ARFGEF2: variants seen among roughly 807,000 people sequenced by gnomAD.
The protein encoded by ARFGEF2 is brefeldin A-inhibited guanine nucleotide-exchange protein 2.
A neutral mutation model predicts 219.9 loss-of-function variants in ARFGEF2; 74 were observed. That is an observed-to-expected ratio of 0.34 (90% CI 0.28 to 0.41). The LOEUF is 0.41. ARFGEF2 is among the 10% of genes least tolerant of loss of function. The pLI is 1.00. For missense variants in ARFGEF2, 1,743 were observed against 2,218.3 expected (o/e 0.79, Z 4.30); for synonymous variants, 733 against 799.2 (o/e 0.92, Z 1.40).
intron 22 of ARFGEF2, 29 bp from the exon 23 acceptor site, chr20:48,995,754 T>C: frequency 6.3e-7 from 1 of 1,588,172 alleles, no homozygotes; most frequent in Non-Finnish European, 8.6e-7. Context: ...GTTTTTGAAG[T>C]ACTGCTGATT....
intron 23 of ARFGEF2, 122 bp downstream of exon 23, chr20:48,996,004 G>T: frequency 1.1e-6 from 1 of 877,180 alleles, no homozygotes; most frequent in Non-Finnish European, 1.9e-6. Flanking sequence ...GCTACAAATT[G>T]CTTAAGTGTC....
chr20:48,937,295 G>T (rs960576544), intron 1 of ARFGEF2, among the ~76,000 whole-genome samples: 1 of 152,204 alleles, frequency 6.6e-6, no homozygotes, highest in African/African-American at 2.4e-5. Flanking sequence ...GAGTCAGGCC[G>T]CCCTCTCCCA....
Position 49,015,649 on chromosome 20 carries a change from CAGATATCTCTGT to C in ARFGEF2, c.4180-628_4180-617del, listed in dbSNP as rs1226424019. Among the ~76,000 whole-genome samples, 19 of 152,204 alleles carry C rather than the reference CAGATATCTCTGT, an allele frequency of 1.2e-4. 1 individual carries two copies. Among genetic ancestry groups the C allele is most frequent in the Admixed American group, 1.2e-3 (19 of 15,280 alleles). ...TGATACGTACCACTAAGCTGACCTGCAGATATCTCTGTAGCCATTTACACTTCTGTCAGCAAT... is the reference window on the plus strand; with the variant it reads ...TGATACGTACCACTAAGCTGACCTGCAGCCATTTACACTTCTGTCAGCAAT... On this transcript the variant is annotated intron_variant, in intron 30 of 38. Transcript: ENST00000371917.
At position 48,988,290 on chromosome 20, in the gene ARFGEF2, AT is replaced by A. The variant is rs755553088; in HGVS notation, c.2277-7del. ...ATCACCATGAATATTGATGTCTCGA[AT>A]TTTTTTCTCCAGGCAAACTCTGTTT... On this transcript the variant is annotated splice_polypyrimidine_tract_variant and intron_variant, in intron 16 of 38. Transcript: ENST00000371917. 4 of 1,608,564 alleles carry A rather than the reference AT, an allele frequency of 2.5e-6. No individual in the cohort carries two copies. The highest frequency in any genetic ancestry group is 2.7e-5 in the African/African-American group (2 of 74,730).
intron 23 of ARFGEF2, 102 bp downstream of exon 23, chr20:48,995,984 A>G: frequency 9.3e-7 from 1 of 1,069,564 alleles, no homozygotes; most frequent in Non-Finnish European, 1.5e-6. Flanking sequence ...AACTGATACA[A>G]GTGTTGTTAG....
At chr20:48,991,463 C>G (rs893081581) in intron 21 of ARFGEF2, among the ~76,000 whole-genome samples, 6 of 150,106 alleles carry the variant, frequency 4.0e-5, no homozygotes, top group African/African-American at 1.5e-4. Flanking sequence ...ATATTAGTGC[C>G]ATTTTTTTTT....
chr20:49,019,420 G>A lies in ARFGEF2; in HGVS notation c.4624+422G>A, dbSNP rs376736199. Among the ~76,000 whole-genome samples, 10 of 152,210 alleles carry A rather than the reference G, an allele frequency of 6.6e-5. No homozygotes were observed. The South Asian group carries it at 1.2e-3, about 19-fold the overall frequency. On this transcript the variant is annotated intron_variant, in intron 34 of 38. Transcript: ENST00000371917. ...AAATCAGTACATAAGGAGCTTTCAC[G>A]TTGTTTTATACGATTGTCTATTATT...
chr20:48,932,664 G>A (rs987175262), intron 1 of ARFGEF2, among the ~76,000 whole-genome samples: 2 of 152,176 alleles, frequency 1.3e-5, no homozygotes, highest in Admixed American at 1.3e-4. Context: ...AAGGAAAGCC[G>A]AGAGGTTGGC....
At position 49,012,209 on chromosome 20, in the gene ARFGEF2, G is replaced by T. The variant is rs565406892; in HGVS notation, c.3918+125G>T. 1.6e-5 allele frequency: 21 copies of T among 1,301,056 alleles called. No homozygotes were observed. The African/African-American group carries it at 2.9e-4, about 18-fold the overall frequency. 80.6% of individuals were successfully genotyped at this position (1,301,056 alleles called of 1,614,324 possible). A position where few individuals can be genotyped will look rare whatever the true frequency, so the allele number is the denominator to read the frequency against. On this transcript the variant is annotated intron_variant, in intron 28 of 38. Coordinates refer to ENST00000371917, the MANE Select transcript of ARFGEF2 (RefSeq NM_006420.3). ...GAAATGTGTGTTTGCCCTAAATTAG[G>T]TGTTTATTTCAAAATGCTGCCATGA...
At chr20:48,954,953 T>C (rs1334742091) in intron 6 of ARFGEF2, among the ~76,000 whole-genome samples, 1 of 152,184 alleles carries the variant, frequency 6.6e-6, no homozygotes, top group African/African-American at 2.4e-5. Context: ...TCAATAAATA[T>C]TAATATTTAA....
chr20:49,009,404 C>T (rs2091482352), intron 26 of ARFGEF2, among the ~76,000 whole-genome samples: 3 of 151,480 alleles, frequency 2.0e-5, no homozygotes, highest in African/African-American at 4.9e-5. Flanking sequence ...GAGTCGAGGT[C>T]GCTCTACTGC....
At chr20:49,029,562 T>G (rs2091621621) in intron 37 of ARFGEF2, among the ~76,000 whole-genome samples, 1 of 152,086 alleles carries the variant, frequency 6.6e-6, no homozygotes, top group Admixed American at 6.6e-5. Context: ...TGTCCTAAAT[T>G]ATGATATTAT....
chr20:48,976,848 G>A (rs946649214), intron 14 of ARFGEF2, among the ~76,000 whole-genome samples: 3 of 152,026 alleles, frequency 2.0e-5, no homozygotes, highest in African/African-American at 7.3e-5. Flanking sequence ...ATCACCATTG[G>A]TGCATTTTTT....
chr20:48,963,224 G>T (rs2123392674), intron 6 of ARFGEF2, among the ~76,000 whole-genome samples: 1 of 149,902 alleles, frequency 6.7e-6, no homozygotes, highest in East Asian at 1.9e-4. Flanking sequence ...GTCAAGAACT[G>T]TTTACTTTAC....
At chr20:49,006,052 T>C (rs992014877) in intron 26 of ARFGEF2, among the ~76,000 whole-genome samples, 3 of 152,018 alleles carry the variant, frequency 2.0e-5, no homozygotes, top group Admixed American at 6.6e-5. Flanking sequence ...TCCCAACACT[T>C]TGGGAGGCCG....
At chr20:48,949,257 G>A (rs1488120044) in intron 3 of ARFGEF2, among the ~76,000 whole-genome samples, 1 of 152,172 alleles carries the variant, frequency 6.6e-6, no homozygotes, top group Admixed American at 6.5e-5. Context: ...TCCATGTCCA[G>A]CCTGCTTTGT....
chr20:48,975,756 G>T (rs1388648949), intron 13 of ARFGEF2, among the ~76,000 whole-genome samples: 1 of 134,956 alleles, frequency 7.4e-6, no homozygotes, highest in Non-Finnish European at 1.5e-5. Flanking sequence ...AGCCGAGATC[G>T]TGCCACTGCA....
At chr20:48,929,679 A>G (rs2090901451) in intron 1 of ARFGEF2, among the ~76,000 whole-genome samples, 1 of 152,184 alleles carries the variant, frequency 6.6e-6, no homozygotes, top group Non-Finnish European at 1.5e-5. Context: ...ATGAGTGAGA[A>G]TTAAGTAGTT....
intron 1 of ARFGEF2, 130 bp downstream of exon 1, chr20:48,922,140 C>T (rs1354032323): frequency 3.6e-5 from 50 of 1,397,104 alleles, no homozygotes; most frequent in Non-Finnish European, 4.6e-5. Flanking sequence ...CTTCCGGCCT[C>T]CTCCTCATTA....
Sources: allele counts gnomAD v4.1 joint callset (sites outside exome capture counted in the v4.1 genomes callset), GRCh38; gene constraint gnomAD v4.1.1; transcripts MANE v1.5; gene names NCBI Gene and HGNC (gene_info 2026-07-23, HGNC 2026-07-21).